The following TIMM17B variants were observed in gnomAD, a reference collection of about 807,000 sequenced individuals.
The protein encoded by TIMM17B is translocase of inner mitochondrial membrane 17B.
TIMM17B carries 10 observed loss-of-function variants against 15.9 expected under a neutral mutation model. That is an observed-to-expected ratio of 0.63 (90% CI 0.39 to 1.06). TIMM17B has a LOEUF of 1.06. Among genes scored for constraint, TIMM17B ranks in the 50% least tolerant of loss-of-function variants. The pLI, the probability that TIMM17B is intolerant of heterozygous loss-of-function variation, is 0.01. For missense variants in TIMM17B, 114 were observed against 152.2 expected (o/e 0.75, Z 1.32); for synonymous variants, 57 against 57.2 (o/e 1.00, Z 0.02).
chrX:48,897,640 G>A (rs1557039832), intron 2 of TIMM17B, 84 bp downstream of exon 1: 2 of 795,137 alleles, frequency 2.5e-6, no homozygotes, highest in Non-Finnish European at 3.8e-6. Context: ...ATGGCTCTGT[G>A]CGGCCGATGC....
chrX:48,895,049 G>A, exon 4 of TIMM17B: 1 of 1,200,017 alleles, frequency 8.3e-7, no homozygotes, highest in South Asian at 1.8e-5. Context: ...TCCAATCTGG[G>A]GGGCTCGGAT....
intron 2 of TIMM17B, chrX:48,897,086 TACCA>T (rs2063320915): frequency 6.7e-6 from 5 of 751,619 alleles, no homozygotes; most frequent in Non-Finnish European, 7.4e-6. Flanking sequence ...TCGCCCTGTC[TACCA>T]ACCAAGGAAT....
At chrX:48,897,596 G>A (rs1437541222) in intron 2 of TIMM17B, 128 bp downstream of exon 1, 3 of 536,203 alleles carry the variant, frequency 5.6e-6, no homozygotes, top group South Asian at 2.6e-5. Context: ...TGGGGGTAGC[G>A]GGAGATACGT....
At chrX:48,896,883 G>C (rs2063318285) in intron 2 of TIMM17B, 25 bp from the exon 2 acceptor site, 12 of 1,209,433 alleles carry the variant, frequency 9.9e-6, no homozygotes, top group Non-Finnish European at 1.3e-5. Context: ...GGAAGGACGG[G>C]GTTAATGTGA....
At chrX:48,897,838 A>T (rs2063330824) in intron 1 of TIMM17B, 70 bp from the exon 1 acceptor site, 1 of 1,149,246 alleles carries the variant, frequency 8.7e-7, no homozygotes, top group Admixed American at 2.4e-5. Context: ...CCGGGCAGCG[A>T]TTGGGTCGCT....
rs781819007 is a variant in TIMM17B, at chrX:48,897,710, G to A, written c.26+14C>T. 24 of 1,194,121 alleles carry A rather than the reference G, an allele frequency of 2.0e-5. No homozygotes were observed. The highest frequency in any genetic ancestry group is 3.5e-5 in the African/African-American group (2 of 57,065). Reference sequence around the variant, plus strand: ...TCGCAGCAATATTCCGGATGCCTGTGCCCATTGCCGTACCAGGGCTCCCGA... The same window carrying A: ...TCGCAGCAATATTCCGGATGCCTGTACCCATTGCCGTACCAGGGCTCCCGA... On this transcript the variant is annotated intron_variant, in intron 2 of 6. Coordinates refer to ENST00000376582, the Ensembl canonical transcript of TIMM17B.
chrX:48,895,052 G>A (rs1557039248), exon 4 of TIMM17B: 2 of 1,199,806 alleles, frequency 1.7e-6, no homozygotes, highest in African/African-American at 3.5e-5. Flanking sequence ...AATCTGGGGG[G>A]CTCGGATCCT....
chrX:48,897,967 A>G, intron 1 of TIMM17B, 199 bp from the exon 1 acceptor site: 1 of 902,950 alleles, frequency 1.1e-6, no homozygotes, highest in Non-Finnish European at 1.5e-6. Context: ...GGCCTCGTTG[A>G]GAGAAGGTCT....
exon 2 of TIMM17B, chrX:48,897,724 C>G (rs2063328819): frequency 8.3e-7 from 1 of 1,206,413 alleles, no homozygotes; most frequent in African/African-American, 1.7e-5. Context: ...ATTGCCGTAC[C>G]AGGGCTCCCG....
At chrX:48,897,594 G>T in intron 2 of TIMM17B, 130 bp downstream of exon 1, 1 of 531,643 alleles carries the variant, frequency 1.9e-6, no homozygotes, top group Non-Finnish European at 3.2e-6. Flanking sequence ...AGTGGGGGTA[G>T]CGGGAGATAC....
chrX:48,896,457 C>CAAAA, intron 3 of TIMM17B: 14 of 215,111 alleles, frequency 6.5e-5, no homozygotes, highest in East Asian at 9.9e-5. Flanking sequence ...AAGACTGTCT[C>CAAAA]AAAAAAAAAA....
intron 2 of TIMM17B, 168 bp from the exon 2 acceptor site, chrX:48,897,026 AC>A: frequency 1.2e-5 from 12 of 1,022,946 alleles, no homozygotes; most frequent in South Asian, 5.2e-5. Context: ...TTTTCCACAC[AC>A]CCCCCCATTA....
At chrX:48,897,760 T>G in exon 2 of TIMM17B, 1 of 1,209,280 alleles carries the variant, frequency 8.3e-7, no homozygotes, top group Non-Finnish European at 1.1e-6. Flanking sequence ...GGCGCTGGCG[T>G]CTGGCCGCGC....
At chrX:48,894,891 ATTCAATTG>A (rs2063300157) in intron 4 of TIMM17B, 139 bp downstream of exon 3, 1 of 511,893 alleles carries the variant, frequency 2.0e-6, no homozygotes, top group Non-Finnish European at 3.4e-6. Flanking sequence ...TCCCCTCCAT[ATTCAATTG>A]TTGGGAAACA....
chrX:48,897,337 C>T (rs2063323852), intron 2 of TIMM17B: 2 of 239,143 alleles, frequency 8.4e-6, no homozygotes, highest in Admixed American at 1.3e-4. Context: ...CCCGCCGGCC[C>T]TCAACAGGTT....
At chrX:48,893,581 G>A in exon 7 of TIMM17B, 1 of 456,077 alleles carries the variant, frequency 2.2e-6, no homozygotes, top group East Asian at 4.0e-5. Flanking sequence ...CAGGGCAGCT[G>A]GGGTGCCCCA....
intron 2 of TIMM17B, 114 bp downstream of exon 1, chrX:48,897,610 G>C: frequency 3.4e-6 from 2 of 591,104 alleles, no homozygotes; most frequent in South Asian, 4.9e-5. Flanking sequence ...GATACGTTAA[G>C]AGTCCCCCGA....
intron 3 of TIMM17B, 57 bp downstream of exon 2, chrX:48,896,702 C>T (rs2063316531): frequency 8.3e-7 from 1 of 1,203,030 alleles, no homozygotes. Context: ...TCAGAGCAGC[C>T]TCCCTTGTGG....
In TIMM17B at chrX:48,897,861, A is replaced by C. The variant is rs370674232; in HGVS notation, c.-72-40T>G. On this transcript the variant is annotated intron_variant, in intron 1 of 6. Coordinates refer to ENST00000376582, the Ensembl canonical transcript of TIMM17B. ...CGATTGGGTCGCTATACCGCATGTC[A>C]CGCCAAGGACGCACTCTCATTGGCC... is the stretch of plus-strand genomic sequence containing the variant. 43 of 1,048,228 alleles carry C rather than the reference A, an allele frequency of 4.1e-5. No individual in the cohort carries two copies. In the South Asian group the frequency reaches 7.9e-4, roughly 19 times the overall value. 86.4% of individuals were successfully genotyped at this position (1,048,228 alleles called of 1,213,427 possible).
Sources: allele counts gnomAD v4.1 joint callset, GRCh38; gene constraint gnomAD v4.1.1; transcripts MANE v1.5; gene names NCBI Gene and HGNC (gene_info 2026-07-23, HGNC 2026-07-21).